The following RBM33 variants were observed in gnomAD, a reference collection of about 807,000 sequenced individuals.
RBM33 encodes the protein RNA binding motif protein 33.
In RBM33, 28 loss-of-function variants were observed where a neutral mutation model predicts 132.6. That is an observed-to-expected ratio of 0.21 (90% confidence interval 0.16 to 0.29). RBM33 has a LOEUF of 0.29. RBM33 is among the 10% of genes least tolerant of loss of function. The pLI, the probability that RBM33 is intolerant of heterozygous loss-of-function variation, is 1.00. For synonymous variants in RBM33, 634 were observed against 593.0 expected (o/e 1.07, Z -1.01); for missense variants, 1,291 against 1,518.5 (o/e 0.85, Z 2.49).
At chr7:155,716,740 A>G (rs1190873060) in intron 8 of RBM33, among the ~76,000 whole-genome samples, 2 of 152,062 alleles carry the variant, frequency 1.3e-5, no homozygotes, top group Non-Finnish European at 2.9e-5. Flanking sequence ...TATGGAATTG[A>G]TGTAACATCA....
At chr7:155,762,463 TG>T (rs1802068494) in intron 14 of RBM33, among the ~76,000 whole-genome samples, 1 of 152,246 alleles carries the variant, frequency 6.6e-6, no homozygotes, top group African/African-American at 2.4e-5. Context: ...CCTCAAATGT[TG>T]TTTTGGAAAA....
At chr7:155,666,189 A>G (rs1798796587) in intron 2 of RBM33, among the ~76,000 whole-genome samples, 1 of 152,184 alleles carries the variant, frequency 6.6e-6, no homozygotes, top group South Asian at 2.1e-4. Context: ...GGTCTGTAGA[A>G]TGGTGTAGTT....
intron 9 of RBM33, among the ~76,000 whole-genome samples, chr7:155,734,027 C>T (rs1437440712): frequency 3.3e-5 from 5 of 152,256 alleles, no homozygotes; most frequent in African/African-American, 7.2e-5. Context: ...GGGGCTCCTT[C>T]TCCGTGACCC....
rs775635935 is a variant in RBM33, at chr7:155,763,937, A to G, written c.3105A>G (p.Pro1035=). The change falls in exon 15 of 18, where the codon CCA becomes CCG. Residue 1035 remains proline (P), a synonymous_variant. Coordinates refer to ENST00000401878, the MANE Select transcript of RBM33 (RefSeq NM_053043.3). ...CCAGGGGGGGCCTCCAGCAGCCCCC[A>G]CATCTGCCAGCGGGGCCCCACGCAC... is the stretch of plus-strand genomic sequence containing the variant. The part of the protein sequence containing the change: ...TLTRGGLQQP[P]HLPAGPHAHS... 1 of 1,602,684 alleles carries G rather than the reference A, an allele frequency of 6.2e-7. No homozygotes were observed. The highest frequency in any genetic ancestry group is 8.5e-7 in the Non-Finnish European group (1 of 1,174,850).
At chr7:155,679,776 A>G (rs1442880095) in intron 4 of RBM33, among the ~76,000 whole-genome samples, 1 of 152,156 alleles carries the variant, frequency 6.6e-6, no homozygotes, top group East Asian at 1.9e-4. Flanking sequence ...TACATCATTG[A>G]AGTTTTTTAG....
At position 155,734,315 on chromosome 7, in the gene RBM33, A is replaced by G. The variant is rs549401775; in HGVS notation, c.1261-3215A>G. On this transcript the variant is annotated intron_variant, in intron 9 of 17. Coordinates refer to ENST00000401878, the MANE Select transcript of RBM33 (RefSeq NM_053043.3). ...CTCCTCCCTCTGTTGAATTGAAATCAGCCCCATCCAAACTCTTACCTAGGT... is the reference window on the plus strand; with the variant it reads ...CTCCTCCCTCTGTTGAATTGAAATCGGCCCCATCCAAACTCTTACCTAGGT... Among the ~76,000 whole-genome samples the G allele has an allele frequency of 2.2e-3, 332 of 152,326 alleles. 2 individuals are homozygous for G. The highest frequency in any genetic ancestry group is 3.3e-3 in the Non-Finnish European group (223 of 68,038).
At chr7:155,740,128 A>G (rs1801282379) in intron 12 of RBM33, 102 bp downstream of exon 12, 1 of 1,395,656 alleles carries the variant, frequency 7.2e-7, no homozygotes, top group African/African-American at 1.5e-5. Flanking sequence ...TCCAGTTCTG[A>G]TTTCTGTTTA....
intron 8 of RBM33, among the ~76,000 whole-genome samples, chr7:155,713,102 G>T (rs1800354362): frequency 1.3e-5 from 2 of 152,274 alleles, no homozygotes; most frequent in Admixed American, 6.5e-5. Context: ...GTGAGAGGGA[G>T]AGAGGAGGTA....
chr7:155,654,451 A>G (rs1466150071), intron 1 of RBM33, among the ~76,000 whole-genome samples: 1 of 152,140 alleles, frequency 6.6e-6, no homozygotes, highest in African/African-American at 2.4e-5. Context: ...CATATGAAGT[A>G]TAGATTTCTT....
intron 9 of RBM33, among the ~76,000 whole-genome samples, chr7:155,729,909 G>A (rs536632285): frequency 1.6e-3 from 246 of 152,196 alleles, no homozygotes; most frequent in Non-Finnish European, 2.7e-3. Context: ...TTCACTGCCC[G>A]AGGTCTAGGT....
At position 155,775,990 on chromosome 7, in the gene RBM33, T is replaced by G. The variant is rs1802594318; in HGVS notation, c.*949T>G. 1 of 152,280 alleles carries G rather than the reference T, an allele frequency of 6.6e-6. No homozygotes were observed. Among genetic ancestry groups the G allele is most frequent in the South Asian group, 2.1e-4 (1 of 4,836 alleles). The allele number at this position is 152,280 out of a possible 1,614,324, so 9.4% of individuals were successfully genotyped here. ...TTTCTGAAGGCTGTTCCAGCAGGGC[T>G]GCCCTGTTCATCAGCGGATGTTCAC... On this transcript the variant is annotated 3_prime_UTR_variant, in exon 18 of 18. Transcript: ENST00000401878.
At chr7:155,771,776 G>C (rs1802434014) in intron 16 of RBM33, among the ~76,000 whole-genome samples, 1 of 151,672 alleles carries the variant, frequency 6.6e-6, no homozygotes, top group Non-Finnish European at 1.5e-5. Flanking sequence ...CTGTCACCCA[G>C]GCTGGAGTGC....
rs1585548330 is a variant in RBM33, at chr7:155,766,741, G to T, written c.3375+86G>T. On this transcript the variant is annotated intron_variant, in intron 16 of 17. Transcript: ENST00000401878. Reference sequence around the variant, plus strand: ...CTTGATTTAAAACACAGTGCCCTTTGTGTTGGCTACTTCATATTAAAATAA... The same window carrying T: ...CTTGATTTAAAACACAGTGCCCTTTTTGTTGGCTACTTCATATTAAAATAA... The T allele has an allele frequency of 9.4e-6, 12 of 1,282,582 alleles. No homozygotes were observed. The East Asian group carries it at 1.8e-4, about 19-fold the overall frequency. The allele number at this position is 1,282,582 out of a possible 1,614,324, so 79.5% of individuals were successfully genotyped here.
chr7:155,775,813 C>G lies in RBM33; in HGVS notation c.*772C>G, dbSNP rs1346314370. The G allele has an allele frequency of 6.5e-6, 1 of 152,704 alleles. No individual in the cohort carries two copies. The highest frequency in any genetic ancestry group is 1.5e-5 in the Non-Finnish European group (1 of 68,378). The allele number at this position is 152,704 out of a possible 1,614,324, so 9.5% of individuals were successfully genotyped here. ...CACCTGGCAGCCCTCTGGCCTAGTTCCCACCACACATGAGGTGGTGGAATG... is the reference window on the plus strand; with the variant it reads ...CACCTGGCAGCCCTCTGGCCTAGTTGCCACCACACATGAGGTGGTGGAATG... On this transcript the variant is annotated 3_prime_UTR_variant, in exon 18 of 18. Transcript: ENST00000401878.
chr7:155,740,137 T>C (rs537906023), intron 12 of RBM33, 111 bp downstream of exon 12: 4 of 1,380,288 alleles, frequency 2.9e-6, no homozygotes, highest in Non-Finnish European at 3.8e-6. Context: ...GATTTCTGTT[T>C]ATAAAATGTG....
At chr7:155,694,626 A>G (rs182781134) in intron 5 of RBM33, among the ~76,000 whole-genome samples, 91 of 152,324 alleles carry the variant, frequency 6.0e-4, no homozygotes, top group African/African-American at 2.0e-3. Context: ...TCTTATTTCT[A>G]TACCTAGATT....
intron 13 of RBM33, 40 bp from the exon 14 acceptor site, chr7:155,744,921 C>T (rs1395652716): frequency 6.6e-7 from 1 of 1,509,438 alleles, no homozygotes; most frequent in Non-Finnish European, 8.8e-7. Flanking sequence ...GGGCACCTTG[C>T]CTGTATAGCA....
chr7:155,647,671 G>A (rs150093269), intron 1 of RBM33, among the ~76,000 whole-genome samples: 7 of 152,274 alleles, frequency 4.6e-5, no homozygotes, highest in East Asian at 1.9e-4. Flanking sequence ...TGATCTGCCC[G>A]CCTCAGCCTC....
chr7:155,771,486 C>A (rs928873409), intron 16 of RBM33, among the ~76,000 whole-genome samples: 1 of 152,182 alleles, frequency 6.6e-6, no homozygotes, highest in Non-Finnish European at 1.5e-5. Context: ...AAAACCAAGG[C>A]ATTCCTCTGA....
Sources: allele counts gnomAD v4.1 joint callset (sites outside exome capture counted in the v4.1 genomes callset), GRCh38; gene constraint gnomAD v4.1.1; transcripts MANE v1.5; gene names NCBI Gene and HGNC (gene_info 2026-07-23, HGNC 2026-07-21).